Variants in GNAZ observed in about 807,000 individuals in gnomAD.
GNAZ encodes the protein G protein subunit alpha z.
A neutral mutation model predicts 25.4 loss-of-function variants in GNAZ; 3 were observed. The observed-to-expected ratio is 0.12, with a 90% CI of 0.05 to 0.30. The LOEUF is 0.30. GNAZ is among the 10% of genes least tolerant of loss of function. GNAZ has a pLI of 1.00. For synonymous variants in GNAZ, 211 were observed against 205.7 expected (o/e 1.03, Z -0.22); for missense variants, 241 against 501.8 (o/e 0.48, Z 4.97).
In GNAZ at chr22:23,081,942, A is replaced by G. The variant is rs1386030872; in HGVS notation, c.-450+11372A>G. Among the ~76,000 whole-genome samples, 11 of 150,948 alleles carry G rather than the reference A, an allele frequency of 7.3e-5. No individual in the cohort carries two copies. In the East Asian group the frequency reaches 7.9e-4, roughly 11 times the overall value. ...AGATCGAGACCATCCTGGCTAACAC[A>G]GTGAAACCTCATCTCTACTAAAAAT... On this transcript the variant is annotated intron_variant, in intron 1 of 2. Coordinates refer to ENST00000615612, the MANE Select transcript of GNAZ (RefSeq NM_002073.4).
intron 2 of GNAZ, among the ~76,000 whole-genome samples, chr22:23,099,250 C>G (rs2069223644): frequency 6.6e-6 from 1 of 152,268 alleles, no homozygotes; most frequent in Non-Finnish European, 1.5e-5. Flanking sequence ...AGGGCAGCAC[C>G]TCAGAGCAGG....
intron 1 of GNAZ, among the ~76,000 whole-genome samples, chr22:23,075,526 G>C (rs3788340): frequency 0.36 from 54,371 of 152,122 alleles, 11,508 homozygotes; most frequent in African/African-American, 0.6. Context: ...TCCAAAGGAA[G>C]CTGCCACATC....
intron 1 of GNAZ, among the ~76,000 whole-genome samples, chr22:23,078,211 A>G (rs183013425): frequency 6.6e-6 from 1 of 152,366 alleles, no homozygotes; most frequent in African/African-American, 2.4e-5. Context: ...TCTCGATGAA[A>G]TGCTGGGAAG....
chr22:23,118,391 GGA>G (rs1489241997), intron 2 of GNAZ, among the ~76,000 whole-genome samples: 1 of 152,260 alleles, frequency 6.6e-6, no homozygotes, highest in Non-Finnish European at 1.5e-5. Flanking sequence ...AGCAGGCCCT[GGA>G]GAGAGCAGGA....
chr22:23,091,204 G>A (rs1472811598), intron 1 of GNAZ, among the ~76,000 whole-genome samples: 1 of 152,208 alleles, frequency 6.6e-6, no homozygotes, highest in Middle Eastern at 3.2e-3. Context: ...ACATGGATCT[G>A]CGCGTGCACA....
rs931600774 is a variant in GNAZ, at chr22:23,071,588, C to A, written c.-450+1018C>A. On this transcript the variant is annotated intron_variant, in intron 1 of 2. Coordinates refer to ENST00000615612, the MANE Select transcript of GNAZ (RefSeq NM_002073.4). This position sits in a 1 kb window ranked among gnomAD's most constrained non-coding sequence, Gnocchi z 4.1. ...AATATTTATTGAGTGGTCACTCCCC[C>A]AGAGCTTGACGCTGGGGTGCACCGG... Among the ~76,000 whole-genome samples the A allele has an allele frequency of 2.0e-5, 3 of 152,200 alleles. No individual in the cohort carries two copies. Among genetic ancestry groups the A allele is most frequent in the African/African-American group, 7.2e-5 (3 of 41,448 alleles).
At position 23,096,388 on chromosome 22, in the gene GNAZ, C is replaced by T. The variant is rs144435757; in HGVS notation, c.693C>T (p.Tyr231=). The part of the protein sequence containing the change: ...AIIFCVELSG[Y]DLKLYEDNQT... ...TCTTCTGTGTGGAGCTCAGCGGCTA[C>T]GACCTGAAACTCTACGAGGATAACC... The change falls in exon 2 of 3, where the codon TAC becomes TAT. Residue 231 remains tyrosine, a synonymous_variant. Coordinates refer to ENST00000615612, the MANE Select transcript of GNAZ (RefSeq NM_002073.4). 6.3e-5 allele frequency: 101 copies of T among 1,611,096 alleles called. No homozygotes were observed. Among genetic ancestry groups the T allele is most frequent in the South Asian group, 3.8e-4 (35 of 91,016 alleles).
chr22:23,120,201 C>T (rs1032309708), intron 2 of GNAZ, among the ~76,000 whole-genome samples: 30 of 152,288 alleles, frequency 2.0e-4, no homozygotes, highest in Admixed American at 6.5e-4. Context: ...CCAGGGTCCC[C>T]AAGGTCCACT....
intron 1 of GNAZ, among the ~76,000 whole-genome samples, chr22:23,075,206 C>T (rs898098094): frequency 2.0e-5 from 3 of 152,146 alleles, no homozygotes. Flanking sequence ...CAGCATTTCT[C>T]CTCCCTTCCC....
chr22:23,111,916 C>T (rs2069670006), intron 2 of GNAZ, among the ~76,000 whole-genome samples: 2 of 152,226 alleles, frequency 1.3e-5, no homozygotes, highest in Non-Finnish European at 2.9e-5. Flanking sequence ...TGTCTGATCA[C>T]AGAGTGTGTC....
chr22:23,080,540 A>C (rs2068647008), intron 1 of GNAZ, among the ~76,000 whole-genome samples: 1 of 152,180 alleles, frequency 6.6e-6, no homozygotes, highest in Admixed American at 6.5e-5. Flanking sequence ...TGAGGAGGCA[A>C]AGAAAGGAGG....
chr22:23,090,057 A>G (rs1035432348), intron 1 of GNAZ, among the ~76,000 whole-genome samples: 3 of 152,042 alleles, frequency 2.0e-5, no homozygotes, highest in Non-Finnish European at 2.9e-5. Context: ...CGCTGCAAAC[A>G]CTACACATCT....
At chr22:23,096,484 C>T (rs959515997) in intron 2 of GNAZ, 66 bp downstream of exon 2, 6 of 1,501,620 alleles carry the variant, frequency 4.0e-6, no homozygotes, top group Middle Eastern at 1.7e-4. Flanking sequence ...AGCAAGAGGA[C>T]TCGTGAGGTC....
chr22:23,074,096 G>A (rs995713408), intron 1 of GNAZ, among the ~76,000 whole-genome samples: 1 of 152,192 alleles, frequency 6.6e-6, no homozygotes, highest in African/African-American at 2.4e-5. Flanking sequence ...GGGTGTCAGG[G>A]CCAGGTCCTG....
At chr22:23,090,743 A>G (rs988685200) in intron 1 of GNAZ, among the ~76,000 whole-genome samples, 1 of 151,828 alleles carries the variant, frequency 6.6e-6, no homozygotes, top group Non-Finnish European at 1.5e-5. Context: ...TGCAGCCCGC[A>G]TGTGCCACCC....
chr22:23,075,894 C>A (rs561075565), intron 1 of GNAZ, among the ~76,000 whole-genome samples: 1 of 151,846 alleles, frequency 6.6e-6, no homozygotes, highest in African/African-American at 2.4e-5. Context: ...TGAGGTCTGC[C>A]CCTGTGAGGT....
intron 1 of GNAZ, among the ~76,000 whole-genome samples, chr22:23,086,137 A>G (rs987881563): frequency 2.0e-5 from 3 of 152,232 alleles, no homozygotes; most frequent in Admixed American, 6.5e-5. Flanking sequence ...TATGAAGTAC[A>G]TTTTTTAAGT....
In GNAZ at chr22:23,119,431, G is replaced by A. The variant is rs113131275; in HGVS notation, c.724-3656G>A. Among the ~76,000 whole-genome samples, 690 of 152,274 alleles carry A rather than the reference G, an allele frequency of 4.5e-3. 4 individuals are homozygous for A. The highest frequency in any genetic ancestry group is 8.0e-3 in the Non-Finnish European group (544 of 68,020). ...ACCGTCTGTGGTTCTTCAGCCTCCCGCTCTGTCTTGTCCCCCATCTCTGAG... is the reference window on the plus strand; with the variant it reads ...ACCGTCTGTGGTTCTTCAGCCTCCCACTCTGTCTTGTCCCCCATCTCTGAG... On this transcript the variant is annotated intron_variant, in intron 2 of 2. Transcript: ENST00000615612.
chr22:23,122,808 C>T, intron 2 of GNAZ: 1 of 514,862 alleles, frequency 1.9e-6, no homozygotes, highest in Non-Finnish European at 3.5e-6. Flanking sequence ...AGCCCCAAAG[C>T]TATATGTTGA....
Sources: allele counts gnomAD v4.1 joint callset (sites outside exome capture counted in the v4.1 genomes callset), GRCh38; gene constraint gnomAD v4.1.1; non-coding constraint Gnocchi (gnomAD v3.1); transcripts MANE v1.5; gene names NCBI Gene and HGNC (gene_info 2026-07-23, HGNC 2026-07-21).